MAML3: variants seen among roughly 807,000 people sequenced by gnomAD.
The protein encoded by MAML3 is mastermind-like protein 3.
Under a neutral mutation model 101.9 loss-of-function variants are expected in MAML3, and 27 were observed. The ratio of observed to expected loss-of-function variants is 0.27; its 90% CI spans 0.20 to 0.37. The LOEUF (loss-of-function observed/expected upper bound fraction) is 0.37. Among genes scored for constraint, MAML3 ranks in the 10% least tolerant of loss-of-function variants. MAML3 has a pLI of 1.00. For missense variants in MAML3, 1,316 were observed against 1,444.9 expected (o/e 0.91, Z 1.45); for synonymous variants, 501 against 555.9 (o/e 0.90, Z 1.39).
chr4:139,924,245 T>C (rs1733179899), intron 1 of MAML3, among the ~76,000 whole-genome samples: 1 of 152,198 alleles, frequency 6.6e-6, no homozygotes, highest in Admixed American at 6.5e-5. Flanking sequence ...TCTATTCCAG[T>C]GATGGAGAAA....
intron 1 of MAML3, among the ~76,000 whole-genome samples, chr4:140,075,957 T>C (rs1046679211): frequency 2.0e-5 from 3 of 152,176 alleles, no homozygotes; most frequent in African/African-American, 4.8e-5. Flanking sequence ...AGATGAGGTT[T>C]TGCCATGTTG....
At chr4:139,737,164 A>G (rs1417794100) in intron 2 of MAML3, among the ~76,000 whole-genome samples, 1 of 152,178 alleles carries the variant, frequency 6.6e-6, no homozygotes, top group Admixed American at 6.5e-5. Flanking sequence ...TCGTGTAATA[A>G]GGTGAACTAT....
intron 1 of MAML3, among the ~76,000 whole-genome samples, chr4:140,139,089 T>C (rs558853543): frequency 5.4e-5 from 8 of 148,340 alleles, no homozygotes; most frequent in Non-Finnish European, 1.0e-4. Flanking sequence ...CTGGGCAACA[T>C]AGTGAGAAAC....
intron 2 of MAML3, among the ~76,000 whole-genome samples, chr4:139,749,827 C>T (rs1360760858): frequency 6.6e-6 from 1 of 152,124 alleles, no homozygotes; most frequent in African/African-American, 2.4e-5. Flanking sequence ...TTCTACATCA[C>T]CATCATTCCA....
intron 1 of MAML3, among the ~76,000 whole-genome samples, chr4:140,079,393 A>G (rs1400423433): frequency 6.6e-6 from 1 of 152,160 alleles, no homozygotes; most frequent in Non-Finnish European, 1.5e-5. Flanking sequence ...TCCCAGGTTC[A>G]AGAGATTCTC....
intron 2 of MAML3, among the ~76,000 whole-genome samples, chr4:139,875,497 C>T (rs1331083318): frequency 1.3e-5 from 2 of 152,130 alleles, no homozygotes; most frequent in African/African-American, 4.8e-5. Flanking sequence ...CAGCTGCACA[C>T]CTTTCTTTCT....
intron 1 of MAML3, among the ~76,000 whole-genome samples, chr4:139,916,945 T>C (rs1269381144): frequency 1.3e-5 from 2 of 152,246 alleles, no homozygotes; most frequent in Admixed American, 6.5e-5. Flanking sequence ...AATGCAGATA[T>C]ACATTTCTTA....
intron 1 of MAML3, among the ~76,000 whole-genome samples, chr4:139,964,965 C>T (rs1199546936): frequency 1.3e-5 from 2 of 152,070 alleles, no homozygotes; most frequent in African/African-American, 4.8e-5. Context: ...CTTGGCTTTA[C>T]CGAATATAAA....
intron 2 of MAML3, among the ~76,000 whole-genome samples, chr4:139,781,568 C>T (rs1036422527): frequency 3.3e-5 from 5 of 150,116 alleles, no homozygotes; most frequent in Non-Finnish European, 7.4e-5. Context: ...ATTTTCTCTA[C>T]TAGCTTCATT....
At chr4:139,983,337 T>C (rs1186427239) in intron 1 of MAML3, among the ~76,000 whole-genome samples, 1 of 152,220 alleles carries the variant, frequency 6.6e-6, no homozygotes, top group Admixed American at 6.5e-5. Flanking sequence ...TAGAATGTCA[T>C]AAAAATAGAA....
chr4:139,859,434 T>G (rs1341187183), intron 2 of MAML3, among the ~76,000 whole-genome samples: 1 of 151,768 alleles, frequency 6.6e-6, no homozygotes, highest in African/African-American at 2.4e-5. Context: ...CTAGAACTTC[T>G]GGGCTCAAGC....
intron 1 of MAML3, among the ~76,000 whole-genome samples, chr4:140,144,914 C>A (rs148775916): frequency 6.5e-4 from 99 of 152,276 alleles, no homozygotes; most frequent in Admixed American, 1.4e-3. Context: ...ACTGGGTACC[C>A]AGCCTTTTAG....
chr4:140,026,358 G>T lies in MAML3; in HGVS notation c.468+126502C>A, dbSNP rs555393672. 1.2e-4 allele frequency among the ~76,000 whole-genome samples: 18 copies of T among 152,206 alleles called. 1 individual carries two copies. The East Asian group carries it at 3.5e-3, about 29-fold the overall frequency. ...CAACCTCCACCTCCCAGGTTCAAGC[G>T]ATTCTCATGCTTCAGCCTCCCAAGT... On this transcript the variant is annotated intron_variant, in intron 1 of 4. Transcript: ENST00000509479.
intron 2 of MAML3, among the ~76,000 whole-genome samples, chr4:139,843,409 A>G (rs961378319): frequency 2.0e-4 from 30 of 152,230 alleles, no homozygotes; most frequent in Non-Finnish European, 3.2e-4. Context: ...TTTTAGATTT[A>G]CTACCTAGTC....
At chr4:139,971,212 C>T (rs1057448225) in intron 1 of MAML3, among the ~76,000 whole-genome samples, 20 of 152,152 alleles carry the variant, frequency 1.3e-4, no homozygotes, top group African/African-American at 4.8e-4. Flanking sequence ...TCTCACTGTA[C>T]CTTCTGGGCT....
intron 4 of MAML3, among the ~76,000 whole-genome samples, chr4:139,724,033 C>T (rs1478998703): frequency 6.6e-6 from 1 of 152,188 alleles, no homozygotes; most frequent in Non-Finnish European, 1.5e-5. Context: ...GACTAGTCCC[C>T]ACTCTTCCGA....
At chr4:139,892,839 G>A (rs1436157216) in intron 1 of MAML3, among the ~76,000 whole-genome samples, 3 of 150,968 alleles carry the variant, frequency 2.0e-5, no homozygotes, top group South Asian at 2.1e-4. Context: ...GCTGAGGCAG[G>A]AGAATGGCAT....
intron 1 of MAML3, among the ~76,000 whole-genome samples, chr4:140,094,893 T>TA (rs781285276): frequency 4.9e-4 from 75 of 152,362 alleles, no homozygotes; most frequent in Non-Finnish European, 1.1e-3. Flanking sequence ...GAAGACGCTG[T>TA]ATGGAAAGAC....
At chr4:139,768,701 G>A (rs1729914008) in intron 2 of MAML3, among the ~76,000 whole-genome samples, 1 of 152,190 alleles carries the variant, frequency 6.6e-6, no homozygotes, top group South Asian at 2.1e-4. Context: ...AGCCTTGGTG[G>A]GCCAGGGCAG....
Sources: allele counts gnomAD v4.1 joint callset (sites outside exome capture counted in the v4.1 genomes callset), GRCh38; gene constraint gnomAD v4.1.1; transcripts MANE v1.5; gene names NCBI Gene and HGNC (gene_info 2026-07-23, HGNC 2026-07-21).